The following PDE10A variants were observed in gnomAD, a reference collection of about 807,000 sequenced individuals.
PDE10A encodes cAMP and cAMP-inhibited cGMP 3',5'-cyclic phosphodiesterase 10A.
PDE10A carries 39 observed loss-of-function variants against 97.7 expected under a neutral mutation model. The observed-to-expected ratio is 0.40, with a 90% CI of 0.31 to 0.52. The LOEUF is 0.52. PDE10A is among the 20% of genes least tolerant of loss of function. The pLI, the probability that PDE10A is intolerant of heterozygous loss-of-function variation, is 0.56. For missense variants in PDE10A, 731 were observed against 1,047.8 expected, an observed-to-expected ratio of 0.70 and a Z score of 4.17; for synonymous variants, 371 against 376.8, an observed-to-expected ratio of 0.98 and a Z score of 0.18.
chr6:165,924,716 T>C (rs1336177931), intron 1 of PDE10A, among the ~76,000 whole-genome samples: 4 of 152,192 alleles, frequency 2.6e-5, no homozygotes, highest in African/African-American at 9.7e-5. Context: ...AGCATCCTTA[T>C]GCAAAAAGGA....
intron 14 of PDE10A, among the ~76,000 whole-genome samples, chr6:165,395,668 C>A (rs220791): frequency 6.6e-5 from 10 of 151,908 alleles, no homozygotes; most frequent in Non-Finnish European, 1.3e-4. Flanking sequence ...AACAATTTCA[C>A]TAATATAAAC....
At chr6:165,911,426 C>A (rs920560186) in intron 1 of PDE10A, among the ~76,000 whole-genome samples, 3 of 152,142 alleles carry the variant, frequency 2.0e-5, no homozygotes, top group African/African-American at 7.2e-5. Flanking sequence ...CCATAGAATT[C>A]CCCCGAACAA....
rs1781561500 is a variant in PDE10A, at chr6:165,883,979, G to C, written c.-615+103550C>G. ...GGAAGCCAGGTATGCCGACTCCGGAGAGAAAGCCCACCAGCACCCAGGGCA... is the reference window on the plus strand; with the variant it reads ...GGAAGCCAGGTATGCCGACTCCGGACAGAAAGCCCACCAGCACCCAGGGCA... On this transcript the variant is annotated intron_variant, in intron 1 of 19. Transcript: ENST00000366882. Among the ~76,000 whole-genome samples, 3 of 152,284 alleles carry C rather than the reference G, an allele frequency of 2.0e-5. No homozygotes were observed. In the South Asian group the frequency reaches 6.2e-4, roughly 32 times the overall value.
rs1790344899 is a variant in PDE10A at position 165,662,656 on chromosome 6, C to G, written c.156G>C (p.Glu52Asp). The G allele has an allele frequency of 7.0e-6, 1 of 141,928 alleles. No homozygotes were observed. The highest frequency in any genetic ancestry group is 6.9e-5 in the Admixed American group (1 of 14,510). 8.8% of individuals were successfully genotyped at this position (141,928 alleles called of 1,614,324 possible). The change falls in exon 1 of 22, where the codon GAG becomes GAC. Residue 52 changes from glutamate (E) to aspartate (D), a missense_variant. This residue lies in a region of PDE10A where 181 missense variants were observed against 159.1 expected (regional missense o/e 1.14). Coordinates refer to ENST00000539869, the MANE Select transcript of PDE10A (RefSeq NM_001385079.1). Reference sequence around the variant, plus strand: ...GCTCCGCCCGGCCACGGCCAGGCCACTCGGGGGCCGGGCCCGGGCCCGCCG... The same window carrying G: ...GCTCCGCCCGGCCACGGCCAGGCCAGTCGGGGGCCGGGCCCGGGCCCGCCG... ...GSAAGPGPAPEWPGRGRAERA... is the reference protein window; with the variant it reads ...GSAAGPGPAPDWPGRGRAERA...
chr6:165,478,404 G>A (rs187961681), intron 3 of PDE10A, among the ~76,000 whole-genome samples: 4 of 152,094 alleles, frequency 2.6e-5, no homozygotes, highest in African/African-American at 9.7e-5. Context: ...GGCAATGATG[G>A]GGGGGAGGGG....
intron 1 of PDE10A, among the ~76,000 whole-genome samples, chr6:165,979,825 G>C (rs977768315): frequency 5.9e-5 from 9 of 152,186 alleles, no homozygotes; most frequent in Non-Finnish European, 1.2e-4. Flanking sequence ...GTGGTTATGA[G>C]AACTCAAGAG....
chr6:165,783,373 T>G (rs1273312971), intron 1 of PDE10A, among the ~76,000 whole-genome samples: 3 of 152,212 alleles, frequency 2.0e-5, no homozygotes, highest in Non-Finnish European at 4.4e-5. Context: ...TTTTAGATTT[T>G]TATCCCCCAC....
intron 1 of PDE10A, among the ~76,000 whole-genome samples, chr6:165,657,202 A>G (rs1481965987): frequency 2.6e-5 from 4 of 152,252 alleles, no homozygotes; most frequent in African/African-American, 7.2e-5. Flanking sequence ...ATAAGCCAGT[A>G]AGTGAGCAAG....
chr6:165,527,798 G>T (rs1173838257), intron 2 of PDE10A, among the ~76,000 whole-genome samples: 5 of 152,212 alleles, frequency 3.3e-5, no homozygotes, highest in African/African-American at 1.2e-4. Context: ...CCTGCCATCT[G>T]CCTTCTCTTC....
intron 18 of PDE10A, among the ~76,000 whole-genome samples, chr6:165,362,425 T>A (rs369815964): frequency 6.6e-6 from 1 of 152,132 alleles, no homozygotes; most frequent in East Asian, 1.9e-4. Context: ...AGAACTACCA[T>A]GAACAACTGT....
At chr6:165,945,844 T>C (rs1783747570) in intron 1 of PDE10A, among the ~76,000 whole-genome samples, 5 of 152,244 alleles carry the variant, frequency 3.3e-5, no homozygotes, top group Admixed American at 3.3e-4. Flanking sequence ...GGTACAATAA[T>C]GCTAATTCTG....
At chr6:165,560,313 C>T (rs905123609) in intron 1 of PDE10A, among the ~76,000 whole-genome samples, 2 of 152,116 alleles carry the variant, frequency 1.3e-5, no homozygotes, top group African/African-American at 2.4e-5. Flanking sequence ...ACCTCAAGCT[C>T]ACAGCCAGTA....
At chr6:165,409,271 G>A (rs191258811) in intron 13 of PDE10A, among the ~76,000 whole-genome samples, 26 of 152,150 alleles carry the variant, frequency 1.7e-4, no homozygotes, top group Admixed American at 6.5e-4. Context: ...CTTTGGCTGG[G>A]CGAGGTGGCT....
rs185572766 is a variant in PDE10A at position 165,434,832 on chromosome 6, T to C, written c.1335+405A>G. Among the ~76,000 whole-genome samples the C allele has an allele frequency of 2.7e-3, 408 of 152,278 alleles. 3 individuals are homozygous for C. The highest frequency in any genetic ancestry group is 9.3e-3 in the African/African-American group (388 of 41,562). On this transcript the variant is annotated intron_variant, in intron 6 of 21. Transcript: ENST00000539869. ...AGTCCAGACCAGCAGAATAACCCAG[T>C]CCTTAGATTCATAAGAAATCACACG... is the stretch of plus-strand genomic sequence containing the variant.
chr6:165,499,481 C>CT (rs1210513959), intron 2 of PDE10A, among the ~76,000 whole-genome samples: 1 of 152,192 alleles, frequency 6.6e-6, no homozygotes, highest in Non-Finnish European at 1.5e-5. Flanking sequence ...CAATGCGGCT[C>CT]TTGTTAACAC....
intron 2 of PDE10A, among the ~76,000 whole-genome samples, chr6:165,513,964 T>TA (rs1781653017): frequency 6.6e-6 from 1 of 152,198 alleles, no homozygotes; most frequent in South Asian, 2.1e-4. Context: ...GTTTTAGTTC[T>TA]TCCTATCAAA....
intron 1 of PDE10A, among the ~76,000 whole-genome samples, chr6:165,981,843 A>AT (rs199516817): frequency 6.6e-6 from 1 of 150,796 alleles, no homozygotes; most frequent in African/African-American, 2.4e-5. Flanking sequence ...TTTGAGAGAT[A>AT]TTTTTGTAAG....
At chr6:165,700,386 T>G (rs1005659923) in intron 1 of PDE10A, among the ~76,000 whole-genome samples, 5 of 152,190 alleles carry the variant, frequency 3.3e-5, no homozygotes, top group African/African-American at 1.2e-4. Context: ...CTAAATTGAT[T>G]GTGGTGATGG....
intron 18 of PDE10A, among the ~76,000 whole-genome samples, chr6:165,366,660 G>C (rs1210919418): frequency 2.0e-5 from 3 of 152,110 alleles, no homozygotes; most frequent in Non-Finnish European, 2.9e-5. Context: ...TGAGAAGGGA[G>C]AGTCTGGGGA....
Sources: gnomAD v4.1 joint callset for allele counts (sites outside exome capture counted in the v4.1 genomes callset) on GRCh38, gnomAD v4.1.1 for gene constraint, gnomAD v4.1.1 regional missense constraint, MANE v1.5 for transcripts, NCBI Gene and HGNC (gene_info 2026-07-23, HGNC 2026-07-21) for gene names.